Variants in MRTFB observed in about 807,000 individuals in gnomAD.
MRTFB encodes myocardin-related transcription factor B.
In MRTFB, 29 loss-of-function variants were observed where a neutral mutation model predicts 104.2. That is an observed-to-expected ratio of 0.28 (90% confidence interval 0.21 to 0.38). MRTFB has a LOEUF of 0.38. Among genes scored for constraint, MRTFB ranks in the 10% least tolerant of loss-of-function variants. MRTFB has a pLI of 1.00. For missense variants in MRTFB, 1,270 were observed against 1,341.6 expected, an observed-to-expected ratio of 0.95 and a Z score of 0.83; for synonymous variants, 535 against 519.5, an observed-to-expected ratio of 1.03 and a Z score of -0.41.
chr16:14,179,632 A>G (rs1567420065), intron 3 of MRTFB, among the ~76,000 whole-genome samples: 1 of 152,210 alleles, frequency 6.6e-6, no homozygotes, highest in Non-Finnish European at 1.5e-5. Flanking sequence ...GGGATAAGCA[A>G]GGGGCAATGG....
chr16:14,068,963 C>CTTT (rs989515330), upstream of MRTFB, among the ~76,000 whole-genome samples: 903 of 100,174 alleles, frequency 9.0e-3, 97 homozygotes, highest in African/African-American at 0.034. Context: ...GATTCTCCAG[C>CTTT]TTTTTTTTTT....
rs372949349 is a variant in MRTFB, at chr16:14,261,275, C to T, written c.3131C>T (p.Thr1044Ile). ...ETSETQFAAG[T>I]PCLSLDLSDS... is the part of the protein sequence containing the mutation. ...TCCGAGACCCAGTTTGCTGCAGGTACTCCCTGTCTGTCTCTCGACCTGTCA... is the reference window on the plus strand; with the variant it reads ...TCCGAGACCCAGTTTGCTGCAGGTATTCCCTGTCTGTCTCTCGACCTGTCA... The change falls in exon 17 of 17, where the codon ACT (threonine) becomes ATT (isoleucine). Residue 1044 changes from threonine (T) to isoleucine (I), a missense_variant. Thr to Ile is a moderately conservative substitution (Grantham distance 89). Transcript: ENST00000571589. 9.3e-6 allele frequency: 15 copies of T among 1,614,202 alleles called. No individual in the cohort carries two copies. The highest frequency in any genetic ancestry group is 2.2e-5 in the South Asian group (2 of 91,078).
chr16:14,012,617 G>A, the MRTFB span, among the ~76,000 whole-genome samples: 1 of 152,052 alleles, frequency 6.6e-6, no homozygotes, highest in Admixed American at 6.6e-5. Context: ...ATTTTCATAG[G>A]CATCATTTCC....
At chr16:14,138,072 A>T in intron 2 of MRTFB, among the ~76,000 whole-genome samples, 1 of 152,110 alleles carries the variant, frequency 6.6e-6, no homozygotes, top group East Asian at 1.9e-4. Context: ...AGATCTTCTC[A>T]GTCTACTTAA....
chr16:14,240,971 G>A, intron 10 of MRTFB: 2 of 540,958 alleles, frequency 3.7e-6, no homozygotes, highest in East Asian at 6.0e-5. Context: ...AAGGAATAGA[G>A]TAAGTAGTGC....
At chr16:14,017,709 ATATTTTTTT>A in the MRTFB span, among the ~76,000 whole-genome samples, 239 of 15,918 alleles carry the variant, frequency 0.015, 36 homozygotes, top group Non-Finnish European at 0.043. Flanking sequence ...ATATATATAT[ATATTTTTTT>A]TTTTTTTTTT....
At chr16:14,086,729 G>A (rs1239207158) in intron 2 of MRTFB, among the ~76,000 whole-genome samples, 1 of 152,086 alleles carries the variant, frequency 6.6e-6, no homozygotes, top group Admixed American at 6.6e-5. Context: ...ATGCTTTAAA[G>A]CCCTGATTCT....
At chr16:14,184,268 G>A (rs12597616) in intron 3 of MRTFB, among the ~76,000 whole-genome samples, 29,177 of 149,522 alleles carry the variant, frequency 0.2, 3,542 homozygotes, top group Non-Finnish European at 0.27. Context: ...TGTGGCCCAG[G>A]CTGGAGTGCA....
At chr16:14,060,900 A>G in the MRTFB span, among the ~76,000 whole-genome samples, 1 of 152,118 alleles carries the variant, frequency 6.6e-6, no homozygotes, top group Non-Finnish European at 1.5e-5. Flanking sequence ...TAATCCCAGC[A>G]CTTTGGGAGG....
chr16:14,203,804 GAAAAAAAAAA>G (rs908323645), intron 3 of MRTFB, among the ~76,000 whole-genome samples: 2 of 46,574 alleles, frequency 4.3e-5, no homozygotes, highest in South Asian at 7.5e-4. Context: ...ACTCTGTCTC[GAAAAAAAAAA>G]AAAAAAAAAA....
the MRTFB span, among the ~76,000 whole-genome samples, chr16:14,060,974 GTC>G: frequency 6.6e-4 from 101 of 152,102 alleles, no homozygotes; most frequent in African/African-American, 2.2e-3. Context: ...GTGAAACCCT[GTC>G]TCTACTAAAA....
intron 2 of MRTFB, among the ~76,000 whole-genome samples, chr16:14,085,457 C>CA (rs386384321): frequency 0.2 from 12,579 of 61,522 alleles, 2,243 homozygotes; most frequent in African/African-American, 0.47. Context: ...AATTCCATCT[C>CA]AAAAAAAAAA....
chr16:14,138,760 C>G (rs973607593), intron 2 of MRTFB, among the ~76,000 whole-genome samples: 1 of 152,040 alleles, frequency 6.6e-6, no homozygotes, highest in African/African-American at 2.4e-5. Context: ...AATAGAAAGT[C>G]AAGTAATAGA....
chr16:14,100,878 A>G (rs994811771), intron 2 of MRTFB, among the ~76,000 whole-genome samples: 7 of 152,160 alleles, frequency 4.6e-5, no homozygotes, highest in African/African-American at 1.4e-4. Context: ...ATATTCCCCT[A>G]TTAGCATAGA....
At chr16:14,199,031 C>T (rs2040563205) in intron 3 of MRTFB, among the ~76,000 whole-genome samples, 1 of 152,180 alleles carries the variant, frequency 6.6e-6, no homozygotes, top group African/African-American at 2.4e-5. Flanking sequence ...TTCACTTTCT[C>T]CCTTGCTCTT....
At chr16:14,086,895 T>C (rs2034736544) in intron 2 of MRTFB, among the ~76,000 whole-genome samples, 1 of 152,230 alleles carries the variant, frequency 6.6e-6, no homozygotes. Flanking sequence ...TTCAGCATCT[T>C]TAATGACTTG....
intron 3 of MRTFB, among the ~76,000 whole-genome samples, chr16:14,201,189 T>C (rs1018196749): frequency 1.3e-4 from 20 of 152,212 alleles, no homozygotes; most frequent in African/African-American, 4.8e-4. Context: ...ACTAGAAACA[T>C]TGTCAAGATT....
chr16:14,078,242 C>A (rs2034183038), intron 1 of MRTFB, among the ~76,000 whole-genome samples: 1 of 152,190 alleles, frequency 6.6e-6, no homozygotes, highest in African/African-American at 2.4e-5. Flanking sequence ...CTGTGTTCAT[C>A]CTGCACACCA....
chr16:14,058,829 G>A, the MRTFB span, among the ~76,000 whole-genome samples: 4,732 of 144,132 alleles, frequency 0.033, 258 homozygotes, highest in African/African-American at 0.12. Context: ...AGAGATTCTC[G>A]TGCCTTAGCC....
Sources: gnomAD v4.1 joint callset for allele counts (sites outside exome capture counted in the v4.1 genomes callset) on GRCh38, gnomAD v4.1.1 for gene constraint, MANE v1.5 for transcripts, NCBI Gene and HGNC (gene_info 2026-07-23, HGNC 2026-07-21) for gene names.